The following PLXNA4 variants were observed in gnomAD, a reference collection of about 807,000 sequenced individuals.
The protein encoded by PLXNA4 is plexin A4.
Under a neutral mutation model 191.8 loss-of-function variants are expected in PLXNA4, and 44 were observed. That is an observed-to-expected ratio of 0.23 (90% CI 0.18 to 0.29). The LOEUF is 0.29. Among genes scored for constraint, PLXNA4 ranks in the 10% least tolerant of loss-of-function variants. The pLI is 1.00. For synonymous variants in PLXNA4, 1,082 were observed against 1,009.5 expected, an observed-to-expected ratio of 1.07 and a Z score of -1.36; for missense variants, 1,800 against 2,488.8, an observed-to-expected ratio of 0.72 and a Z score of 5.89.
intron 2 of PLXNA4, among the ~76,000 whole-genome samples, chr7:132,597,238 T>C (rs1450994690): frequency 6.6e-6 from 1 of 152,182 alleles, no homozygotes; most frequent in East Asian, 1.9e-4. Flanking sequence ...TTCTCTGAAT[T>C]ACATTATTTC....
At chr7:132,569,977 T>C (rs969351061) in intron 1 of PLXNA4, among the ~76,000 whole-genome samples, 4 of 152,238 alleles carry the variant, frequency 2.6e-5, no homozygotes, top group South Asian at 2.1e-4. Flanking sequence ...TTGACAGTAG[T>C]CATAGCAAAG....
chr7:132,642,981 A>G (rs990222026), intron 2 of PLXNA4, among the ~76,000 whole-genome samples: 1 of 152,102 alleles, frequency 6.6e-6, no homozygotes, highest in African/African-American at 2.4e-5. Context: ...CTTGAAGGAT[A>G]CACAAGAAAT....
chr7:132,418,554 CT>C (rs1794741710), intron 3 of PLXNA4, among the ~76,000 whole-genome samples: 1 of 152,182 alleles, frequency 6.6e-6, no homozygotes, highest in Admixed American at 6.5e-5. Flanking sequence ...GAACATGAAG[CT>C]TGGCTAAGAA....
chr7:132,620,835 C>T lies in PLXNA4; in HGVS notation c.-87+25093G>A, dbSNP rs192818254. 1.9e-3 allele frequency among the ~76,000 whole-genome samples: 285 copies of T among 152,258 alleles called. 1 individual carries two copies. The highest frequency in any genetic ancestry group is 1.5e-3 in the East Asian group (8 of 5,188). ...GCTGCTATCACAGAATACCATCAACCGGGTGGCTTAAACAATAGACATTTA... is the reference window on the plus strand; with the variant it reads ...GCTGCTATCACAGAATACCATCAACTGGGTGGCTTAAACAATAGACATTTA... On this transcript the variant is annotated intron_variant, in intron 2 of 4. Transcript: ENST00000378539.
intron 3 of PLXNA4, among the ~76,000 whole-genome samples, chr7:132,469,099 G>A (rs1409453672): frequency 5.6e-5 from 6 of 107,294 alleles, no homozygotes; most frequent in Non-Finnish European, 1.0e-4. Flanking sequence ...ACTAAATTGA[G>A]CTCGGAAATG....
At chr7:132,558,574 G>A (rs1041725455) in intron 1 of PLXNA4, among the ~76,000 whole-genome samples, 1 of 152,196 alleles carries the variant, frequency 6.6e-6, no homozygotes, top group African/African-American at 2.4e-5. Context: ...TAAGTCCTGG[G>A]AGAAGGAACA....
chr7:132,568,249 C>T (rs148668576), intron 1 of PLXNA4, among the ~76,000 whole-genome samples: 3 of 152,274 alleles, frequency 2.0e-5, no homozygotes, highest in African/African-American at 4.8e-5. Flanking sequence ...TCCCAGCAGC[C>T]GTGCCATCCC....
In PLXNA4 at chr7:132,507,506, C is replaced by T. The variant is rs754166907; in HGVS notation, c.1188G>A (p.Ala396=). The change falls in exon 2 of 32, where the codon GCG becomes GCA. Residue 396 remains alanine (A), a splice_region_variant and synonymous_variant. Coordinates refer to ENST00000321063, the MANE Select transcript of PLXNA4 (RefSeq NM_020911.2). ...LKVKDIPCSS[A]LLTIDDNFCG... ...AGCGCGCAGCCCTCCCTGTACTCAC[C>T]GCACTGCTGCAGGGGATGTCCTTCA... 2.0e-5 allele frequency: 32 copies of T among 1,607,222 alleles called. No homozygotes were observed. Among genetic ancestry groups the T allele is most frequent in the Admixed American group, 3.3e-5 (2 of 59,754 alleles).
chr7:132,249,322 C>A (rs908419823), intron 4 of PLXNA4, among the ~76,000 whole-genome samples: 2 of 152,302 alleles, frequency 1.3e-5, no homozygotes, highest in Admixed American at 1.3e-4. Context: ...TGGAGGGCTG[C>A]AATTTGTTGC....
rs537993731 is a variant in PLXNA4, at chr7:132,328,225, A to T, written c.1372-30003T>A. 7.2e-5 allele frequency among the ~76,000 whole-genome samples: 11 copies of T among 152,234 alleles called. No homozygotes were observed. The East Asian group carries it at 1.9e-3, about 27-fold the overall frequency. On this transcript the variant is annotated intron_variant, in intron 3 of 31. Transcript: ENST00000321063. ...TAATTAGAAGGAGACAGAGCATTCAAAGAGGAGTGTTGGCTCCAGGCACAT... is the reference window on the plus strand; with the variant it reads ...TAATTAGAAGGAGACAGAGCATTCATAGAGGAGTGTTGGCTCCAGGCACAT...
chr7:132,162,471 C>T (rs1795979453), intron 24 of PLXNA4, among the ~76,000 whole-genome samples: 1 of 152,106 alleles, frequency 6.6e-6, no homozygotes, highest in African/African-American at 2.4e-5. Context: ...AAGGATGTTG[C>T]AATTTGGGGA....
intron 2 of PLXNA4, among the ~76,000 whole-genome samples, chr7:132,498,638 T>C (rs961276316): frequency 6.6e-6 from 1 of 151,926 alleles, no homozygotes; most frequent in Non-Finnish European, 1.5e-5. Flanking sequence ...ACGGTATATA[T>C]GGGGTTTGGG....
chr7:132,201,140 C>A (rs1453416204), intron 12 of PLXNA4, among the ~76,000 whole-genome samples: 1 of 152,124 alleles, frequency 6.6e-6, no homozygotes, highest in Non-Finnish European at 1.5e-5. Context: ...TGATGGGAAG[C>A]TACACAGGGA....
intron 2 of PLXNA4, among the ~76,000 whole-genome samples, chr7:132,587,850 A>G (rs1413327531): frequency 2.0e-5 from 3 of 151,630 alleles, no homozygotes; most frequent in Non-Finnish European, 4.4e-5. Context: ...TTCATCCTCC[A>G]TGTTCCATTT....
intron 1 of PLXNA4, among the ~76,000 whole-genome samples, chr7:132,526,632 G>T (rs1585276667): frequency 6.6e-6 from 1 of 152,180 alleles, no homozygotes; most frequent in Non-Finnish European, 1.5e-5. Flanking sequence ...CCCTGTTGGG[G>T]CTGCTGTTTT....
At chr7:132,562,930 C>CCCTCCTCCTCCTCTCCCT (rs1169624258) in intron 1 of PLXNA4, among the ~76,000 whole-genome samples, 1 of 7,926 alleles carries the variant, frequency 1.3e-4, no homozygotes, top group Non-Finnish European at 2.6e-4. Flanking sequence ...CTCCTCCTCT[C>CCCTCCTCCTCCTCTCCCT]CCTCCTCCTC....
intron 3 of PLXNA4, among the ~76,000 whole-genome samples, chr7:132,339,795 C>A (rs920812331): frequency 3.3e-5 from 5 of 152,068 alleles, no homozygotes; most frequent in Non-Finnish European, 7.4e-5. Flanking sequence ...ACCTAGCATG[C>A]CTGTATTCAG....
At chr7:132,394,825 G>C (rs755686541) in intron 3 of PLXNA4, among the ~76,000 whole-genome samples, 1 of 152,196 alleles carries the variant, frequency 6.6e-6, no homozygotes, top group Non-Finnish European at 1.5e-5. Context: ...GTGCAGTCCT[G>C]CTCTGAGCTC....
rs796192925 is a variant in PLXNA4 at position 132,588,681 on chromosome 7, G to T, written c.-87+57247C>A. Among the ~76,000 whole-genome samples, 67 of 108,718 alleles carry T rather than the reference G, an allele frequency of 6.2e-4. 1 individual carries two copies. Among genetic ancestry groups the T allele is most frequent in the African/African-American group, 2.3e-3 (65 of 27,862 alleles). 71.3% of individuals were successfully genotyped at this position (108,718 alleles called of 152,430 possible). A position where few individuals can be genotyped will look rare whatever the true frequency, so the allele number is the denominator to read the frequency against. On this transcript the variant is annotated intron_variant, in intron 2 of 4. Transcript: ENST00000378539. ...GAAGGGAAGGGAAGGGAAGGGAAGG[G>T]AGGAGGGAGGGAGGGAGGGAGGGGA... is the stretch of plus-strand genomic sequence containing the variant.
Sources: allele counts gnomAD v4.1 joint callset (sites outside exome capture counted in the v4.1 genomes callset), GRCh38; gene constraint gnomAD v4.1.1; transcripts MANE v1.5; gene names NCBI Gene and HGNC (gene_info 2026-07-23, HGNC 2026-07-21).